Variants in LMBRD1 observed in about 807,000 individuals in gnomAD.
The protein encoded by LMBRD1 is LMBR1 domain containing 1.
In LMBRD1, 64 loss-of-function variants were observed where a neutral mutation model predicts 74.8. The observed-to-expected ratio is 0.86, with a 90% CI of 0.70 to 1.05. The LOEUF is 1.05. Ranked by LOEUF, LMBRD1 falls within the 50% of genes least tolerant of loss-of-function variation. LMBRD1 has a pLI of 0.00. For synonymous variants in LMBRD1, 204 were observed against 216.3 expected, an observed-to-expected ratio of 0.94 and a Z score of 0.50; for missense variants, 652 against 645.9, an observed-to-expected ratio of 1.01 and a Z score of -0.10.
intron 7 of LMBRD1, among the ~76,000 whole-genome samples, chr6:69,725,500 G>A (rs1275964811): frequency 1.3e-5 from 2 of 152,062 alleles, no homozygotes; most frequent in Non-Finnish European, 2.9e-5. Flanking sequence ...CAGAGCTATA[G>A]TAACTAAAAC....
chr6:69,729,737 A>G (rs1488449108), intron 7 of LMBRD1, among the ~76,000 whole-genome samples: 1 of 151,970 alleles, frequency 6.6e-6, no homozygotes, highest in African/African-American at 2.4e-5. Context: ...ACAAAACACT[A>G]TTTTTAAATT....
At chr6:69,793,771 A>G (rs1356046252) in intron 1 of LMBRD1, among the ~76,000 whole-genome samples, 1 of 128,624 alleles carries the variant, frequency 7.8e-6, no homozygotes, top group Non-Finnish European at 1.6e-5. Context: ...TTGCCCAGGC[A>G]CTATCAGAGC....
chr6:69,777,982 T>A (rs1765742052), intron 3 of LMBRD1, among the ~76,000 whole-genome samples: 1 of 152,190 alleles, frequency 6.6e-6, no homozygotes, highest in South Asian at 2.1e-4. Flanking sequence ...AGTAACTACC[T>A]TCGAAGCTAC....
intron 7 of LMBRD1, among the ~76,000 whole-genome samples, chr6:69,734,397 AT>A (rs66556444): frequency 0.85 from 123,051 of 144,262 alleles, 52,433 homozygotes; most frequent in East Asian, 0.99. Context: ...AACAAAACCA[AT>A]TTTTTTTTTT....
intron 3 of LMBRD1, among the ~76,000 whole-genome samples, chr6:69,759,996 C>T (rs1765342743): frequency 1.3e-5 from 2 of 152,080 alleles, no homozygotes; most frequent in African/African-American, 4.8e-5. Context: ...ACATGTATGA[C>T]AATATCAAAG....
At chr6:69,784,955 G>A (rs913533216) in intron 2 of LMBRD1, among the ~76,000 whole-genome samples, 3 of 152,114 alleles carry the variant, frequency 2.0e-5, no homozygotes, top group Admixed American at 1.3e-4. Flanking sequence ...CACTTTCGTA[G>A]AGAACAAAAA....
intron 2 of LMBRD1, among the ~76,000 whole-genome samples, chr6:69,781,978 C>T (rs1408612586): frequency 6.6e-6 from 1 of 152,172 alleles, no homozygotes; most frequent in Non-Finnish European, 1.5e-5. Context: ...TTCCCAATTA[C>T]TATCCTTTAC....
intron 1 of LMBRD1, among the ~76,000 whole-genome samples, chr6:69,793,602 C>A (rs1223903514): frequency 6.6e-6 from 1 of 151,776 alleles, no homozygotes; most frequent in Non-Finnish European, 1.5e-5. Flanking sequence ...TAAAGACAGA[C>A]ATAGTTAGAT....
chr6:69,765,528 A>G (rs1355732219), intron 3 of LMBRD1, among the ~76,000 whole-genome samples: 1 of 152,152 alleles, frequency 6.6e-6, no homozygotes, highest in African/African-American at 2.4e-5. Flanking sequence ...TTATGTTTTG[A>G]GATCTGAGGA....
intron 3 of LMBRD1, among the ~76,000 whole-genome samples, chr6:69,767,235 T>C (rs906613808): frequency 1.3e-5 from 2 of 151,672 alleles, no homozygotes; most frequent in Admixed American, 1.3e-4. Context: ...CCTTTATTTT[T>C]CTTCTGCTTG....
intron 3 of LMBRD1, among the ~76,000 whole-genome samples, chr6:69,774,557 T>A (rs1187695533): frequency 6.6e-6 from 1 of 152,152 alleles, no homozygotes; most frequent in Admixed American, 6.5e-5. Context: ...TACTTTTGCA[T>A]GCATGCAGGG....
intron 9 of LMBRD1, among the ~76,000 whole-genome samples, chr6:69,707,460 CTTT>C (rs1766284713): frequency 6.6e-6 from 1 of 152,098 alleles, no homozygotes; most frequent in Non-Finnish European, 1.5e-5. Flanking sequence ...ATGTGTCCTT[CTTT>C]GTTACAATTG....
intron 4 of LMBRD1, among the ~76,000 whole-genome samples, chr6:69,751,909 G>A (rs1765166930): frequency 1.3e-5 from 2 of 152,100 alleles, no homozygotes; most frequent in Non-Finnish European, 2.9e-5. Flanking sequence ...GAATTGCTTT[G>A]TCTAAAACAA....
chr6:69,723,386 T>C (rs976554885), intron 7 of LMBRD1, among the ~76,000 whole-genome samples: 1 of 152,164 alleles, frequency 6.6e-6, no homozygotes, highest in Non-Finnish European at 1.5e-5. Flanking sequence ...CCTTAGCACA[T>C]GGATCATTCC....
chr6:69,720,953 A>G (rs761851536), intron 7 of LMBRD1, among the ~76,000 whole-genome samples: 10 of 152,206 alleles, frequency 6.6e-5, no homozygotes, highest in Non-Finnish European at 1.2e-4. Flanking sequence ...GTGGTGACTA[A>G]GGGGACTTTA....
chr6:69,795,110 G>A (rs547877049), intron 1 of LMBRD1, among the ~76,000 whole-genome samples: 1 of 152,312 alleles, frequency 6.6e-6, no homozygotes, highest in Admixed American at 6.5e-5. Flanking sequence ...TACCCCAAAA[G>A]ACTGAATGTA....
At chr6:69,683,514 T>G (rs1765703657) in intron 14 of LMBRD1, among the ~76,000 whole-genome samples, 10 of 152,078 alleles carry the variant, frequency 6.6e-5, no homozygotes, top group Admixed American at 6.6e-4. Flanking sequence ...ATGGCACTTC[T>G]TAGAAATAGT....
chr6:69,778,328 T>A (rs977831406), intron 3 of LMBRD1, among the ~76,000 whole-genome samples: 27 of 152,242 alleles, frequency 1.8e-4, no homozygotes, highest in Non-Finnish European at 3.5e-4. Flanking sequence ...TTTAAAATGA[T>A]ACTAAGGGCA....
intron 8 of LMBRD1, 105 bp downstream of exon 8, chr6:69,718,851 A>G (rs2149856318): frequency 1.6e-6 from 2 of 1,245,708 alleles, no homozygotes; most frequent in Admixed American, 3.6e-5. Flanking sequence ...AAAAATTCAA[A>G]CAATGTAAAA....
Sources: allele counts gnomAD v4.1 joint callset (sites outside exome capture counted in the v4.1 genomes callset), GRCh38; gene constraint gnomAD v4.1.1; transcripts MANE v1.5; gene names NCBI Gene and HGNC (gene_info 2026-07-23, HGNC 2026-07-21).